Variants in EPHA6 observed in about 807,000 individuals in gnomAD.
EPHA6 encodes the protein ephrin type-A receptor 6.
Under a neutral mutation model 112.0 loss-of-function variants are expected in EPHA6, and 50 were observed. The observed-to-expected ratio is 0.45, with a 90% CI of 0.36 to 0.56. EPHA6 has a LOEUF of 0.56. Among genes scored for constraint, EPHA6 ranks in the 20% least tolerant of loss-of-function variants. The pLI is 0.00. For synonymous variants in EPHA6, 529 were observed against 490.7 expected, an observed-to-expected ratio of 1.08 and a Z score of -1.03; for missense variants, 1,280 against 1,417.4, an observed-to-expected ratio of 0.90 and a Z score of 1.56.
At chr3:97,502,832 CAAAAAAAAAAAAAAAA>C (rs397990595) in intron 10 of EPHA6, among the ~76,000 whole-genome samples, 2 of 35,880 alleles carry the variant, frequency 5.6e-5, no homozygotes, top group Non-Finnish European at 9.7e-5. Context: ...GACTCTGTCT[CAAAAAAAAAAAAAAAA>C]AAAAAAAAAA....
At position 97,654,400 on chromosome 3, in the gene EPHA6, A is replaced by G. The variant is rs149373892; in HGVS notation, c.2784+16318A>G. On this transcript the variant is annotated intron_variant, in intron 14 of 17. Transcript: ENST00000389672. ...TGTTTTGGTAGGTACTGTTCTGGTCACTGGACATATTCCAATAAGTAAGCT... is the reference window on the plus strand; with the variant it reads ...TGTTTTGGTAGGTACTGTTCTGGTCGCTGGACATATTCCAATAAGTAAGCT... Among the ~76,000 whole-genome samples, 665 of 152,072 alleles carry G rather than the reference A, an allele frequency of 4.4e-3. 6 individuals are homozygous for G. Among genetic ancestry groups the G allele is most frequent in the African/African-American group, 0.016 (644 of 41,548 alleles).
At chr3:97,534,959 AG>A (rs2092743085) in intron 11 of EPHA6, among the ~76,000 whole-genome samples, 1 of 152,076 alleles carries the variant, frequency 6.6e-6, no homozygotes, top group South Asian at 2.1e-4. Flanking sequence ...AGGTTTAAAA[AG>A]CGTCATATCT....
chr3:97,665,244 G>A (rs966261233), intron 14 of EPHA6, among the ~76,000 whole-genome samples: 1 of 152,156 alleles, frequency 6.6e-6, no homozygotes, highest in Non-Finnish European at 1.5e-5. Context: ...AACAAATGGT[G>A]CTGGGAAAAC....
intron 5 of EPHA6, among the ~76,000 whole-genome samples, chr3:97,368,434 A>AT (rs968713812): frequency 9.2e-5 from 14 of 152,304 alleles, no homozygotes; most frequent in African/African-American, 3.4e-4. Context: ...TTATGCAAAA[A>AT]TAAATATAGC....
At chr3:97,450,554 A>G (rs1448808073) in intron 7 of EPHA6, among the ~76,000 whole-genome samples, 1 of 152,100 alleles carries the variant, frequency 6.6e-6, no homozygotes, top group African/African-American at 2.4e-5. Flanking sequence ...TTGGTGTAAT[A>G]TTAACAAAAA....
chr3:97,492,082 A>C (rs2107525243), intron 10 of EPHA6, among the ~76,000 whole-genome samples: 1 of 152,164 alleles, frequency 6.6e-6, no homozygotes, highest in East Asian at 1.9e-4. Flanking sequence ...GATTTTTTTT[A>C]AGTGAATCAT....
chr3:97,244,618 G>A (rs1395362947), intron 5 of EPHA6: 3 of 344,140 alleles, frequency 8.7e-6, no homozygotes, highest in Non-Finnish European at 5.2e-6. Flanking sequence ...GTTATTAAAT[G>A]AATTGAATTT....
rs555020850 is a variant in EPHA6 at position 97,250,196 on chromosome 3, T to C, written c.1606+5909T>C. On this transcript the variant is annotated intron_variant, in intron 5 of 17. Transcript: ENST00000389672. ...CAAGAAAGTATTAATGGCATATTTA[T>C]TCTTTAGCATATACTAAATTTCATG... is the stretch of plus-strand genomic sequence containing the variant. Among the ~76,000 whole-genome samples the C allele has an allele frequency of 2.0e-5, 3 of 152,376 alleles. No homozygotes were observed. The South Asian group carries it at 6.2e-4, about 32-fold the overall frequency.
chr3:97,011,376 TG>T (rs1412561740), intron 3 of EPHA6, among the ~76,000 whole-genome samples: 1 of 152,154 alleles, frequency 6.6e-6, no homozygotes, highest in African/African-American at 2.4e-5. Context: ...GGAAGAAAAT[TG>T]AAACTGCCAT....
In EPHA6 at chr3:96,815,011, A is replaced by G. The variant is rs1459247569; in HGVS notation, c.385+3A>G. On this transcript the variant is annotated splice_donor_region_variant and intron_variant, in intron 1 of 17. Coordinates refer to ENST00000389672, the MANE Select transcript of EPHA6 (RefSeq NM_001080448.3). ...CAGTCACGTCTCCAACAACCAAGGT[A>G]AGGGACGGGGCGGAGGAGCGGGAGT... 3 of 1,511,692 alleles carry G rather than the reference A, an allele frequency of 2.0e-6. No individual in the cohort carries two copies. Among genetic ancestry groups the G allele is most frequent in the Admixed American group, 4.1e-5 (2 of 48,590 alleles). The allele number at this position is 1,511,692 out of a possible 1,614,324, so 93.6% of individuals were successfully genotyped here. A position where few individuals can be genotyped will look rare whatever the true frequency, so the allele number is the denominator to read the frequency against.
chr3:97,425,109 C>T (rs933553244), intron 6 of EPHA6, among the ~76,000 whole-genome samples: 2 of 152,294 alleles, frequency 1.3e-5, no homozygotes, highest in East Asian at 1.9e-4. Flanking sequence ...CACAGGCTGG[C>T]GTTGAGTGTG....
chr3:97,133,771 A>G (rs1206400774), intron 3 of EPHA6, among the ~76,000 whole-genome samples: 1 of 152,032 alleles, frequency 6.6e-6, no homozygotes, highest in South Asian at 2.1e-4. Flanking sequence ...AATGATGAGA[A>G]TATCATATGA....
chr3:97,031,340 A>G lies in EPHA6; in HGVS notation c.1114+43347A>G, dbSNP rs563238329. Among the ~76,000 whole-genome samples, 14 of 152,224 alleles carry G rather than the reference A, an allele frequency of 9.2e-5. No individual in the cohort carries two copies. In the East Asian group the frequency reaches 2.7e-3, roughly 29 times the overall value. The stretch of plus-strand genomic sequence containing the variant: ...AAATGTTAGACGTAAAACCATAAAA[A>G]CCCTAGAAGAAAACCTAGGCAATAC... On this transcript the variant is annotated intron_variant, in intron 3 of 17. Coordinates refer to ENST00000389672, the MANE Select transcript of EPHA6 (RefSeq NM_001080448.3).
intron 3 of EPHA6, among the ~76,000 whole-genome samples, chr3:97,189,100 A>T (rs2077232912): frequency 6.6e-6 from 1 of 152,016 alleles, no homozygotes; most frequent in Non-Finnish European, 1.5e-5. Flanking sequence ...TTTTGCTGAG[A>T]TGATGCTGGA....
intron 3 of EPHA6, among the ~76,000 whole-genome samples, chr3:97,012,585 A>ATG (rs200953475): frequency 0.021 from 3,007 of 141,128 alleles, 42 homozygotes; most frequent in Non-Finnish European, 0.029. Flanking sequence ...AAATTTATAT[A>ATG]TGTGTGTGTG....
intron 5 of EPHA6, 108 bp from the exon 6 acceptor site, chr3:97,405,042 G>A: frequency 8.1e-7 from 1 of 1,232,436 alleles, no homozygotes; most frequent in Non-Finnish European, 1.1e-6. Context: ...AATAAATGGT[G>A]TCCTCTTCAA....
At chr3:97,530,121 T>C (rs1309956087) in intron 10 of EPHA6, among the ~76,000 whole-genome samples, 1 of 152,054 alleles carries the variant, frequency 6.6e-6, no homozygotes, top group East Asian at 1.9e-4. Flanking sequence ...ATATTTGTTT[T>C]GTTCTGGATA....
chr3:97,330,200 A>G (rs1465168757), intron 5 of EPHA6, among the ~76,000 whole-genome samples: 2 of 152,078 alleles, frequency 1.3e-5, no homozygotes, highest in Admixed American at 1.3e-4. Context: ...TACCAGTACC[A>G]TGCTGTTTTG....
chr3:96,865,183 A>G (rs1270630335), intron 1 of EPHA6, among the ~76,000 whole-genome samples: 1 of 152,140 alleles, frequency 6.6e-6, no homozygotes, highest in Non-Finnish European at 1.5e-5. Flanking sequence ...TTTAGTGAAT[A>G]GATTTTAACA....
Sources: gnomAD v4.1 joint callset for allele counts (sites outside exome capture counted in the v4.1 genomes callset) on GRCh38, gnomAD v4.1.1 for gene constraint, MANE v1.5 for transcripts, NCBI Gene and HGNC (gene_info 2026-07-23, HGNC 2026-07-21) for gene names.